The following CYB561D1 variants were observed in gnomAD, a reference collection of about 807,000 sequenced individuals.
CYB561D1 encodes probable transmembrane reductase CYB561D1.
A neutral mutation model predicts 19.2 loss-of-function variants in CYB561D1; 15 were observed. The ratio of observed to expected loss-of-function variants is 0.78; its 90% CI spans 0.52 to 1.20. CYB561D1 has a LOEUF of 1.20. Ranked by LOEUF, CYB561D1 falls within the 50% of genes most tolerant of loss-of-function variation. CYB561D1 has a pLI of 0.00. For synonymous variants in CYB561D1, 133 were observed against 120.6 expected (o/e 1.10, Z -0.68); for missense variants, 297 against 287.3 (o/e 1.03, Z -0.24).
intron 1 of CYB561D1, among the ~76,000 whole-genome samples, chr1:109,494,860 C>CA (rs1557878800): frequency 3.2e-4 from 41 of 128,162 alleles, no homozygotes; most frequent in African/African-American, 1.1e-3. Flanking sequence ...AAAACAACAA[C>CA]CAAAAAAAAC....
chr1:109,495,743 C>T lies in CYB561D1; in HGVS notation c.187-13C>T. 12 of 1,614,234 alleles carry T rather than the reference C, an allele frequency of 7.4e-6. No homozygotes were observed. Among genetic ancestry groups the T allele is most frequent in the Non-Finnish European group, 1.0e-5 (12 of 1,180,044 alleles). On this transcript the variant is annotated splice_polypyrimidine_tract_variant and intron_variant, in intron 2 of 2. Transcript: ENST00000420578. ...CAGACATGAGGCTTACTGGCTCTCT[C>T]CTATGTTCACAGTTCTGCCTCTGCA...
In CYB561D1 at chr1:109,496,361, A is replaced by G. The variant is rs541840728; in HGVS notation, c.*102A>G. ...ATTTAAGAAGTGGTCAGGTTTTCGCACTTCTTGGCTGGTCCAGGGACTGCA... is the reference window on the plus strand; with the variant it reads ...ATTTAAGAAGTGGTCAGGTTTTCGCGCTTCTTGGCTGGTCCAGGGACTGCA... On this transcript the variant is annotated 3_prime_UTR_variant, in exon 3 of 3. Transcript: ENST00000420578. 6.5e-6 allele frequency: 9 copies of G among 1,378,700 alleles called. No homozygotes were observed. In the South Asian group the frequency reaches 1.2e-4, roughly 18 times the overall value. The allele number at this position is 1,378,700 out of a possible 1,614,324, so 85.4% of individuals were successfully genotyped here.
chr1:109,496,321 A>T lies in CYB561D1; in HGVS notation c.*62A>T. On this transcript the variant is annotated 3_prime_UTR_variant, in exon 3 of 3. Transcript: ENST00000420578. The stretch of plus-strand genomic sequence containing the variant: ...CTTGAACATCATGGTTCCTTTGGTG[A>T]TCTATAAGGGATCTATTTAAGAAGT... The T allele has an allele frequency of 6.6e-7, 1 of 1,506,398 alleles. No individual in the cohort carries two copies. The highest frequency in any genetic ancestry group is 8.9e-7 in the Non-Finnish European group (1 of 1,122,192). 93.3% of individuals were successfully genotyped at this position (1,506,398 alleles called of 1,614,324 possible). A position where few individuals can be genotyped will look rare whatever the true frequency, so the allele number is the denominator to read the frequency against.
Position 109,496,805 on chromosome 1 carries a change from A to G in CYB561D1, c.*546A>G, listed in dbSNP as rs1450907008. 1 of 152,384 alleles carries G rather than the reference A, an allele frequency of 6.6e-6. No homozygotes were observed. Among genetic ancestry groups the G allele is most frequent in the Non-Finnish European group, 1.5e-5 (1 of 68,152 alleles). 9.4% of individuals were successfully genotyped at this position (152,384 alleles called of 1,614,324 possible). ...CTAATATACAGCGTCTGTCAGGTCG[A>G]TGTCTCAGAACACTCTCCCAGCTGT... is the stretch of plus-strand genomic sequence containing the variant. On this transcript the variant is annotated 3_prime_UTR_variant, in exon 3 of 3. Transcript: ENST00000420578.
rs1330159756 is a variant in CYB561D1 at position 109,494,290 on chromosome 1, G to A, written c.148+3G>A. 5 of 1,582,228 alleles carry A rather than the reference G, an allele frequency of 3.2e-6. No homozygotes were observed. The highest frequency in any genetic ancestry group is 1.8e-5 in the Admixed American group (1 of 55,792). ...AGCGCTGTCCCGGCCAGGAACCAGTGAGTGTGCGGGGCGGGGTTGCGGAAG... is the reference window on the plus strand; with the variant it reads ...AGCGCTGTCCCGGCCAGGAACCAGTAAGTGTGCGGGGCGGGGTTGCGGAAG... On this transcript the variant is annotated splice_donor_region_variant and intron_variant, in intron 1 of 2. Transcript: ENST00000420578.
In CYB561D1 at chr1:109,496,736, C is replaced by A. The variant is rs1657587617; in HGVS notation, c.*477C>A. Reference sequence around the variant, plus strand: ...CCATATCTTAAGACCACTGTTTCTTCATCTGTGAAATGTTTCTAAACAATC... The same window carrying A: ...CCATATCTTAAGACCACTGTTTCTTAATCTGTGAAATGTTTCTAAACAATC... On this transcript the variant is annotated 3_prime_UTR_variant, in exon 3 of 3. Transcript: ENST00000420578. 6.5e-6 allele frequency: 1 copy of A among 153,168 alleles called. No homozygotes were observed. The highest frequency in any genetic ancestry group is 2.1e-4 in the South Asian group (1 of 4,856). 9.5% of individuals were successfully genotyped at this position (153,168 alleles called of 1,614,324 possible). A position where few individuals can be genotyped will look rare whatever the true frequency, so the allele number is the denominator to read the frequency against.
At position 109,498,280 on chromosome 1, in the gene CYB561D1, A is replaced by C. The variant is rs918679253; in HGVS notation, c.*2021A>C. ...GCGGGCAGGCGTGCTGACAGCCGGC[A>C]GTTTGCGTGGGCTGTGCCATCTGAT... On this transcript the variant is annotated 3_prime_UTR_variant, in exon 3 of 3. Transcript: ENST00000420578. The C allele has an allele frequency of 3.3e-5, 5 of 152,364 alleles. No homozygotes were observed. The highest frequency in any genetic ancestry group is 1.2e-4 in the African/African-American group (5 of 41,462). 9.4% of individuals were successfully genotyped at this position (152,364 alleles called of 1,614,324 possible). A position where few individuals can be genotyped will look rare whatever the true frequency, so the allele number is the denominator to read the frequency against.
chr1:109,496,208 C>T lies in CYB561D1; in HGVS notation c.639C>T (p.Ile213=). 6.3e-7 allele frequency: 1 copy of T among 1,579,002 alleles called. No individual in the cohort carries two copies. Among genetic ancestry groups the T allele is most frequent in the Non-Finnish European group, 8.6e-7 (1 of 1,157,782 alleles). ...TGCCCGTCTATCCAGCCCTGGTGAT[C>T]ATGCACCAGATTTCCAGATCCTACT... ...LALPVYPALV[I]MHQISRSYLP... The change falls in exon 3 of 3, where the codon ATC becomes ATT. Residue 213 remains isoleucine (I), a synonymous_variant. Coordinates refer to ENST00000420578, the MANE Select transcript of CYB561D1 (RefSeq NM_182580.3).
chr1:109,494,358 C>G (rs913130032), intron 1 of CYB561D1, 71 bp downstream of exon 1: 1 of 1,518,456 alleles, frequency 6.6e-7, no homozygotes, highest in Admixed American at 2.1e-5. Context: ...TTGGGAGCCC[C>G]GGGAGACTTG....
chr1:109,496,187 C>G lies in CYB561D1; in HGVS notation c.618C>G (p.Pro206=). 1 of 1,609,470 alleles carries G rather than the reference C, an allele frequency of 6.2e-7. No homozygotes were observed. The highest frequency in any genetic ancestry group is 2.2e-5 in the East Asian group (1 of 44,690). Residue 206 remains proline (P), a synonymous_variant, in exon 3 of 3, where the codon CCC becomes CCG. Transcript: ENST00000420578. Reference sequence around the variant, plus strand: ...CCTGGTACCTGTGCCTGGCACTGCCCGTCTATCCAGCCCTGGTGATCATGC... The same window carrying G: ...CCTGGTACCTGTGCCTGGCACTGCCGGTCTATCCAGCCCTGGTGATCATGC... ...GAAWYLCLAL[P]VYPALVIMHQ... is the part of the protein sequence containing the mutation.
At chr1:109,495,509 C>T (rs928300471) in intron 2 of CYB561D1, among the ~76,000 whole-genome samples, 2 of 152,208 alleles carry the variant, frequency 1.3e-5, no homozygotes, top group South Asian at 4.1e-4. Context: ...TGCTACTCCA[C>T]TGGTCAAGAA....
chr1:109,494,583 TC>T (rs1314743054), intron 1 of CYB561D1: 1 of 1,395,444 alleles, frequency 7.2e-7, no homozygotes, highest in African/African-American at 1.5e-5. Context: ...ATGCCTGAAA[TC>T]CCAGCACTTT....
At position 109,500,107 on chromosome 1, in the gene CYB561D1, G is replaced by A. The variant is rs950902242; in HGVS notation, c.*3848G>A. On this transcript the variant is annotated 3_prime_UTR_variant, in exon 3 of 3. Coordinates refer to ENST00000420578, the MANE Select transcript of CYB561D1 (RefSeq NM_182580.3). ...TCTGTTTACCTGGCTTGGCCTACAG[G>A]GGGCACCCCTGGTCTTGATGCCTCA... 2 of 152,268 alleles carry A rather than the reference G, an allele frequency of 1.3e-5. No homozygotes were observed. The highest frequency in any genetic ancestry group is 1.3e-4 in the Admixed American group (2 of 15,290). 9.4% of individuals were successfully genotyped at this position (152,268 alleles called of 1,614,324 possible). A position where few individuals can be genotyped will look rare whatever the true frequency, so the allele number is the denominator to read the frequency against.
In CYB561D1 at chr1:109,494,268, G is replaced by A. The variant is rs1657349967; in HGVS notation, c.129G>A (p.Ala43=). The change falls in exon 1 of 3, where the codon GCG becomes GCA. Residue 43 remains alanine, a synonymous_variant. Coordinates refer to ENST00000420578, the MANE Select transcript of CYB561D1 (RefSeq NM_182580.3). The part of the protein sequence containing the change: ...VALGFTIFLT[A]LSRPGTSLFS... ...TGGGCTTCACCATCTTTCTGACAGC[G>A]CTGTCCCGGCCAGGAACCAGTGAGT... 2.5e-6 allele frequency: 4 copies of A among 1,588,536 alleles called. No individual in the cohort carries two copies. In the African/African-American group the frequency reaches 4.0e-5, roughly 16 times the overall value.
Position 109,496,113 on chromosome 1 carries a change from C to A in CYB561D1, c.544C>A (p.Leu182Ile). The change falls in exon 3 of 3, where the codon CTT becomes ATT. Residue 182 changes from leucine to isoleucine, a missense_variant. Transcript: ENST00000420578. Reference sequence around the variant, plus strand: ...CTACCTGATGGCTACAGTAACGGTGCTTCTGGGCATGTACTCAGTATGGTT... The same window carrying A: ...CTACCTGATGGCTACAGTAACGGTGATTCTGGGCATGTACTCAGTATGGTT... The part of the protein sequence containing the change: ...VVYLMATVTV[L>I]LGMYSVWFQA... The A allele has an allele frequency of 6.2e-7, 1 of 1,614,214 alleles. No homozygotes were observed. The highest frequency in any genetic ancestry group is 8.5e-7 in the Non-Finnish European group (1 of 1,180,028).
rs780936843 is a variant in CYB561D1, at chr1:109,495,908, C to T, written c.339C>T (p.Ser113=). The T allele has an allele frequency of 2.5e-6, 4 of 1,613,952 alleles. No individual in the cohort carries two copies. Among genetic ancestry groups the T allele is most frequent in the African/African-American group, 2.7e-5 (2 of 74,942 alleles). Residue 113 remains serine, a synonymous_variant, in exon 3 of 3, where the codon TCC becomes TCT. Coordinates refer to ENST00000420578, the MANE Select transcript of CYB561D1 (RefSeq NM_182580.3). The stretch of plus-strand genomic sequence containing the variant: ...CTCTGGGCCTGGGCTTCATCATCTC[C>T]AGCAGGACCCGCAGTGAGCTGCCTC... ...CAALGLGFII[S]SRTRSELPHL...
chr1:109,494,877 C>CAAAAAACA (rs5776979), intron 1 of CYB561D1, among the ~76,000 whole-genome samples: 5 of 151,138 alleles, frequency 3.3e-5, no homozygotes, highest in African/African-American at 1.2e-4. Context: ...AAACAAAAAA[C>CAAAAAACA]AAAAAAGGGG....
chr1:109,496,562 G>A lies in CYB561D1; in HGVS notation c.*303G>A, dbSNP rs1330913659. The A allele has an allele frequency of 4.0e-6, 1 of 247,802 alleles. No individual in the cohort carries two copies. 15.4% of individuals were successfully genotyped at this position (247,802 alleles called of 1,614,324 possible). On this transcript the variant is annotated 3_prime_UTR_variant, in exon 3 of 3. Coordinates refer to ENST00000420578, the MANE Select transcript of CYB561D1 (RefSeq NM_182580.3). ...GTCATTTCTTGCTTGTGTGCCTGAT[G>A]AAAAACTGGGTTCCTGTAAGTTATG...
intron 1 of CYB561D1, chr1:109,494,584 C>T (rs1395958564): frequency 2.1e-6 from 3 of 1,397,106 alleles, no homozygotes; most frequent in South Asian, 2.5e-5. Flanking sequence ...TGCCTGAAAT[C>T]CCAGCACTTT....
Sources: allele counts gnomAD v4.1 joint callset (sites outside exome capture counted in the v4.1 genomes callset), GRCh38; gene constraint gnomAD v4.1.1; transcripts MANE v1.5; gene names NCBI Gene and HGNC (gene_info 2026-07-23, HGNC 2026-07-21).